Variants in DNTT observed in about 807,000 individuals in gnomAD.
The protein encoded by DNTT is nucleosidetriphosphate:DNA deoxynucleotidylexotransferase.
Under a neutral mutation model 60.9 loss-of-function variants are expected in DNTT, and 47 were observed. The observed-to-expected ratio is 0.77, with a 90% CI of 0.61 to 0.98. DNTT has a LOEUF of 0.98. DNTT is among the 50% of genes least tolerant of loss of function. The pLI is 0.00. For missense variants in DNTT, 665 were observed against 627.5 expected (o/e 1.06, Z -0.64); for synonymous variants, 224 against 221.2 (o/e 1.01, Z -0.11).
intron 1 of DNTT, among the ~76,000 whole-genome samples, chr10:96,307,241 A>G (rs1219447153): frequency 6.6e-6 from 1 of 152,208 alleles, no homozygotes; most frequent in Non-Finnish European, 1.5e-5. Context: ...AACAAATAGA[A>G]CAAAGACAGG....
Position 96,328,801 on chromosome 10 carries a change from C to G in DNTT, c.1084C>G (p.Gln362Glu). The change falls in exon 8 of 11, where the codon CAG becomes GAG. Residue 362 changes from glutamine to glutamate, a missense_variant. Coordinates refer to ENST00000371174, the MANE Select transcript of DNTT (RefSeq NM_004088.4). ...GSTEDEEQLL[Q>E]KVMNLWEKKG... ...AACAGAGGATGAAGAGCAACTTTTA[C>G]AGAAAGTGATGAACTTATGGGAAAA... The G allele has an allele frequency of 6.2e-7, 1 of 1,613,566 alleles. No individual in the cohort carries two copies. The highest frequency in any genetic ancestry group is 8.5e-7 in the Non-Finnish European group (1 of 1,179,816).
intron 4 of DNTT, among the ~76,000 whole-genome samples, chr10:96,321,738 C>G (rs1347710486): frequency 6.6e-6 from 1 of 152,124 alleles, no homozygotes; most frequent in Non-Finnish European, 1.5e-5. Flanking sequence ...TGTGATAACT[C>G]CTGGACCATC....
At chr10:96,309,192 A>T (rs896261790) in intron 1 of DNTT, among the ~76,000 whole-genome samples, 35 of 152,318 alleles carry the variant, frequency 2.3e-4, no homozygotes, top group African/African-American at 8.4e-4. Flanking sequence ...CATCCTTCCT[A>T]GACTTCCATA....
At chr10:96,324,563 C>T (rs1844918850) in intron 6 of DNTT, among the ~76,000 whole-genome samples, 174 bp downstream of exon 6, 1 of 152,154 alleles carries the variant, frequency 6.6e-6, no homozygotes, top group South Asian at 2.1e-4. Context: ...TGATCTTGAG[C>T]AAGTTGGTTA....
rs777153116 is a variant in DNTT at position 96,318,388 on chromosome 10, G to T, written c.240G>T (p.Ser80=). The T allele has an allele frequency of 6.2e-7, 1 of 1,613,322 alleles. No individual in the cohort carries two copies. The highest frequency in any genetic ancestry group is 1.3e-5 in the African/African-American group (1 of 74,870). The stretch of plus-strand genomic sequence containing the variant: ...CCCACATCGTAGCAGAGAACAACTC[G>T]GGTTCGGATGTTCTGGAGTGGCTTC... ...SVTHIVAENN[S]GSDVLEWLQA... Residue 80 remains serine (S), a synonymous_variant, in exon 2 of 11, where the codon TCG becomes TCT. Coordinates refer to ENST00000371174, the MANE Select transcript of DNTT (RefSeq NM_004088.4).
intron 1 of DNTT, among the ~76,000 whole-genome samples, chr10:96,305,848 A>G (rs1042463799): frequency 5.3e-5 from 8 of 152,196 alleles, no homozygotes; most frequent in African/African-American, 1.9e-4. Flanking sequence ...TGCCCCATTC[A>G]GAAATTCCTG....
At chr10:96,318,328 G>A in intron 1 of DNTT, 24 bp from the exon 2 acceptor site, 1 of 1,592,856 alleles carries the variant, frequency 6.3e-7, no homozygotes, top group Non-Finnish European at 8.6e-7. Flanking sequence ...GTTTCAGCTG[G>A]TAACTCTGTC....
At chr10:96,314,887 C>T (rs1844769914) in intron 1 of DNTT, among the ~76,000 whole-genome samples, 1 of 152,066 alleles carries the variant, frequency 6.6e-6, no homozygotes, top group Non-Finnish European at 1.5e-5. Context: ...ACTGTACCAG[C>T]AAATAGACAA....
At chr10:96,330,910 T>C (rs1844999527) in intron 8 of DNTT, among the ~76,000 whole-genome samples, 1 of 152,156 alleles carries the variant, frequency 6.6e-6, no homozygotes, top group Non-Finnish European at 1.5e-5. Flanking sequence ...GAGTACATGG[T>C]AACAAATCAC....
In DNTT at chr10:96,335,899, G is replaced by A; in HGVS notation, c.1368G>A (p.Glu456=). The A allele has an allele frequency of 6.2e-7, 1 of 1,614,184 alleles. No individual in the cohort carries two copies. The highest frequency in any genetic ancestry group is 8.5e-7 in the Non-Finnish European group (1 of 1,180,008). ...AACTATCTCCTATCCAGCAGTTTGA[G>A]AGAGACCTCCGGCGCTATGCCACAC... is the stretch of plus-strand genomic sequence containing the variant. ...LLGWTGSRQF[E]RDLRRYATHE... is the part of the protein sequence containing the mutation. The change falls in exon 10 of 11, where the codon GAG becomes GAA. Residue 456 remains glutamate, a synonymous_variant. Transcript: ENST00000371174.
chr10:96,313,565 C>T (rs921777957), intron 1 of DNTT, among the ~76,000 whole-genome samples: 1 of 152,170 alleles, frequency 6.6e-6, no homozygotes, highest in Non-Finnish European at 1.5e-5. Context: ...CATGTAAGCT[C>T]CCCCAGGCTT....
At chr10:96,332,677 T>A (rs1223467522) in intron 9 of DNTT, 81 bp downstream of exon 9, 1 of 1,559,458 alleles carries the variant, frequency 6.4e-7, no homozygotes, top group Non-Finnish European at 8.7e-7. Context: ...AGGGGAGAGA[T>A]GACGGCAACA....
intron 1 of DNTT, among the ~76,000 whole-genome samples, chr10:96,317,663 C>T (rs1280630326): frequency 7.9e-5 from 12 of 152,098 alleles, no homozygotes; most frequent in South Asian, 2.1e-4. Flanking sequence ...AAAAGAGGCC[C>T]GAGAGAGCTG....
At chr10:96,309,700 ACT>A (rs1279049311) in intron 1 of DNTT, among the ~76,000 whole-genome samples, 1 of 151,920 alleles carries the variant, frequency 6.6e-6, no homozygotes, top group African/African-American at 2.4e-5. Context: ...GTTGGTAAAG[ACT>A]CTCTCCTTGA....
chr10:96,311,225 G>T (rs560308588), intron 1 of DNTT, among the ~76,000 whole-genome samples: 2 of 152,330 alleles, frequency 1.3e-5, no homozygotes, highest in South Asian at 2.1e-4. Context: ...CTGTAAACAG[G>T]TCAGTTTAAC....
chr10:96,308,489 A>T (rs574980419), intron 1 of DNTT, among the ~76,000 whole-genome samples: 1 of 152,350 alleles, frequency 6.6e-6, no homozygotes, highest in Admixed American at 6.5e-5. Context: ...GAAGGATCAG[A>T]ACCTACTGCT....
At chr10:96,313,410 A>G (rs1320368642) in intron 1 of DNTT, among the ~76,000 whole-genome samples, 3 of 152,224 alleles carry the variant, frequency 2.0e-5, no homozygotes, top group Non-Finnish European at 4.4e-5. Context: ...AAAAGTGACC[A>G]TAGATAGTTC....
intron 9 of DNTT, among the ~76,000 whole-genome samples, chr10:96,334,315 G>A (rs1845042184): frequency 1.3e-5 from 2 of 152,132 alleles, no homozygotes; most frequent in Admixed American, 6.5e-5. Context: ...GACATTAGGT[G>A]ACATGATGTT....
At chr10:96,319,441 C>G (rs1409990403) in intron 3 of DNTT, 51 bp downstream of exon 3, 9 of 1,593,408 alleles carry the variant, frequency 5.6e-6, no homozygotes, top group Non-Finnish European at 7.7e-6. Context: ...CTTGCAGCTT[C>G]TTTCTGTGGA....
Sources: allele counts gnomAD v4.1 joint callset (sites outside exome capture counted in the v4.1 genomes callset), GRCh38; gene constraint gnomAD v4.1.1; transcripts MANE v1.5; gene names NCBI Gene and HGNC (gene_info 2026-07-23, HGNC 2026-07-21).